NCEH1: variants seen among roughly 807,000 people sequenced by gnomAD.
The protein encoded by NCEH1 is 2-acetyl MAGE hydrolase.
NCEH1 carries 9 observed loss-of-function variants against 25.4 expected under a neutral mutation model. The observed-to-expected ratio is 0.35, with a 90% CI of 0.21 to 0.62. NCEH1 has a LOEUF of 0.62. Ranked by LOEUF, NCEH1 falls within the 20% of genes least tolerant of loss-of-function variation. The pLI, the probability that NCEH1 is intolerant of heterozygous loss-of-function variation, is 0.72. For synonymous variants in NCEH1, 200 were observed against 199.8 expected (o/e 1.00, Z -0.01); for missense variants, 412 against 501.1 (o/e 0.82, Z 1.70).
At chr3:172,670,625 A>ATT (rs990904553) in intron 1 of NCEH1, among the ~76,000 whole-genome samples, 1 of 152,210 alleles carries the variant, frequency 6.6e-6, no homozygotes, top group Non-Finnish European at 1.5e-5. Context: ...GAATAAAGCT[A>ATT]TTTTTATAAA....
intron 1 of NCEH1, among the ~76,000 whole-genome samples, chr3:172,653,744 GTTTTTTTGTT>G (rs1717536730): frequency 3.1e-5 from 3 of 95,676 alleles, no homozygotes; most frequent in African/African-American, 1.3e-4. Context: ...TGTTTTTTTT[GTTTTTTTGTT>G]TTTTTGTTTT....
In NCEH1 at chr3:172,633,858, C is replaced by A. The variant is rs755932915; in HGVS notation, c.844G>T (p.Val282Phe). 1.2e-6 allele frequency: 2 copies of A among 1,614,086 alleles called. No individual in the cohort carries two copies. The highest frequency in any genetic ancestry group is 1.7e-5 in the Admixed American group (1 of 60,008). The change falls in exon 5 of 5, where the codon GTC (valine) becomes TTC (phenylalanine). Residue 282 changes from valine (V) to phenylalanine (F), a missense_variant. Transcript: ENST00000475381. ...GATGTCCAGTTTAGACGGGCCCTGA[C>A]AGCAGCAGCCTCTTCCACATCAAGT... ...TSLDVEEAAA[V>F]RARLNWTSLL...
At chr3:172,667,714 G>T (rs900695445) in intron 1 of NCEH1, among the ~76,000 whole-genome samples, 4 of 152,184 alleles carry the variant, frequency 2.6e-5, no homozygotes, top group African/African-American at 7.2e-5. Context: ...TTCTAGATGG[G>T]TAACAGATTT....
chr3:172,637,025 A>G (rs1716625767), intron 3 of NCEH1, among the ~76,000 whole-genome samples: 1 of 152,102 alleles, frequency 6.6e-6, no homozygotes, highest in African/African-American at 2.4e-5. Flanking sequence ...ACTGGCTACC[A>G]TTCCTTGATA....
intron 1 of NCEH1, among the ~76,000 whole-genome samples, chr3:172,684,792 C>T (rs1057033566): frequency 7.3e-5 from 11 of 151,506 alleles, no homozygotes; most frequent in African/African-American, 2.7e-4. Flanking sequence ...ACCAGCCTGG[C>T]CAACATGGTG....
At chr3:172,705,087 T>C (rs1010025715) in intron 1 of NCEH1, among the ~76,000 whole-genome samples, 11 of 152,258 alleles carry the variant, frequency 7.2e-5, no homozygotes, top group African/African-American at 2.7e-4. Context: ...AAAATATATA[T>C]TGATATGCAT....
chr3:172,710,681 G>A (rs1714249408), intron 1 of NCEH1, among the ~76,000 whole-genome samples, 166 bp downstream of exon 1: 1 of 152,188 alleles, frequency 6.6e-6, no homozygotes. Context: ...GCAAGGAGGC[G>A]AATGCGATAC....
chr3:172,672,533 A>C (rs934102306), intron 1 of NCEH1, among the ~76,000 whole-genome samples: 2 of 152,138 alleles, frequency 1.3e-5, no homozygotes, highest in African/African-American at 4.8e-5. Flanking sequence ...TTATCCCCTG[A>C]TTCAGTGGAG....
chr3:172,692,340 AT>A (rs1409802069), intron 1 of NCEH1, among the ~76,000 whole-genome samples: 1 of 152,000 alleles, frequency 6.6e-6, no homozygotes, highest in East Asian at 1.9e-4. Context: ...GTAATGGAAT[AT>A]TTTTATTTTT....
intron 1 of NCEH1, among the ~76,000 whole-genome samples, chr3:172,691,491 GT>G (rs1454099150): frequency 1.3e-5 from 2 of 152,300 alleles, no homozygotes; most frequent in Admixed American, 1.3e-4. Context: ...ATATGTGAGT[GT>G]TTACTTTGTG....
intron 1 of NCEH1, among the ~76,000 whole-genome samples, chr3:172,684,321 C>T (rs1577082736): frequency 6.6e-6 from 1 of 152,182 alleles, no homozygotes; most frequent in Non-Finnish European, 1.5e-5. Flanking sequence ...AAACTATTTA[C>T]TAAGACATGC....
chr3:172,680,263 C>T (rs778762801), intron 1 of NCEH1, among the ~76,000 whole-genome samples: 3 of 152,176 alleles, frequency 2.0e-5, no homozygotes, highest in Non-Finnish European at 4.4e-5. Flanking sequence ...GGCAACACTG[C>T]TAAGAGGACG....
intron 1 of NCEH1, chr3:172,681,164 G>C (rs1030085523): frequency 6.6e-6 from 1 of 152,010 alleles, no homozygotes; most frequent in South Asian, 2.1e-4. Context: ...GGAAAAAGTG[G>C]AAGTGGAGTG....
chr3:172,694,763 T>A (rs1713266582), intron 1 of NCEH1, among the ~76,000 whole-genome samples: 1 of 152,176 alleles, frequency 6.6e-6, no homozygotes, highest in Non-Finnish European at 1.5e-5. Flanking sequence ...TCTGATGCCT[T>A]CTTCCCATTT....
At chr3:172,694,942 G>A (rs1288500114) in intron 1 of NCEH1, among the ~76,000 whole-genome samples, 2 of 152,074 alleles carry the variant, frequency 1.3e-5, no homozygotes, top group Non-Finnish European at 2.9e-5. Context: ...TTCATCTCAT[G>A]TTTTTAGCCT....
At position 172,663,363 on chromosome 3, in the gene NCEH1, G is replaced by A. The variant is rs1209687341; in HGVS notation, c.139-15249C>T. ...ATTTCTGTTCTTTTACATTTGCTGA[G>A]GAGAGCTTTACTTCCAACCATGTGG... On this transcript the variant is annotated intron_variant, in intron 1 of 4. Transcript: ENST00000475381. Among the ~76,000 whole-genome samples the A allele has an allele frequency of 2.6e-5, 4 of 152,142 alleles. No homozygotes were observed. The East Asian group carries it at 5.8e-4, about 22-fold the overall frequency.
intron 1 of NCEH1, among the ~76,000 whole-genome samples, chr3:172,675,064 C>T (rs985008300): frequency 2.0e-5 from 3 of 152,088 alleles, no homozygotes; most frequent in Non-Finnish European, 4.4e-5. Flanking sequence ...AATCCCGGCA[C>T]CTTGGGAGGC....
In NCEH1 at chr3:172,644,256, T is replaced by C. The variant is rs1577055504; in HGVS notation, c.437+1367A>G. ...GGGCTTTGGGGTGACTCTAGGGCTT[T>C]TGGGTGACTCTAGGGCTTCTGTCAA... On this transcript the variant is annotated intron_variant, in intron 3 of 4. Transcript: ENST00000475381. Among the ~76,000 whole-genome samples the C allele has an allele frequency of 2.6e-5, 4 of 152,086 alleles. No homozygotes were observed. In the South Asian group the frequency reaches 8.3e-4, roughly 32 times the overall value.
intron 1 of NCEH1, among the ~76,000 whole-genome samples, chr3:172,673,906 G>A (rs950651018): frequency 2.6e-5 from 4 of 152,178 alleles, no homozygotes; most frequent in Admixed American, 6.5e-5. Flanking sequence ...GCCTGCAGCC[G>A]ATGAAAGTCC....
Sources: gnomAD v4.1 joint callset for allele counts (sites outside exome capture counted in the v4.1 genomes callset) on GRCh38, gnomAD v4.1.1 for gene constraint, MANE v1.5 for transcripts, NCBI Gene and HGNC (gene_info 2026-07-23, HGNC 2026-07-21) for gene names.